Variants in ABCG2 observed in about 807,000 individuals in gnomAD.
ABCG2 encodes the protein ATP binding cassette subfamily G member 2 (JR blood group).
A neutral mutation model predicts 73.5 loss-of-function variants in ABCG2; 80 were observed. The ratio of observed to expected loss-of-function variants is 1.09; its 90% confidence interval spans 0.91 to 1.31. The LOEUF (loss-of-function observed/expected upper bound fraction) is 1.31, where lower values mean the gene tolerates loss of function less well. Among genes scored for constraint, ABCG2 ranks in the 50% most tolerant of loss-of-function variants. ABCG2 has a pLI of 0.00. For missense variants in ABCG2, 796 were observed against 786.2 expected (o/e 1.01, Z -0.15); for synonymous variants, 269 against 282.4 (o/e 0.95, Z 0.48).
intron 9 of ABCG2, among the ~76,000 whole-genome samples, chr4:88,111,527 T>C (rs1481013): frequency 0.48 from 73,167 of 151,846 alleles, 19,315 homozygotes; most frequent in East Asian, 0.64. Context: ...CATATATACA[T>C]ATATATACAT....
chr4:88,098,652 A>ATAGATAGATAGG, intron 12 of ABCG2, among the ~76,000 whole-genome samples: 1 of 149,758 alleles, frequency 6.7e-6, no homozygotes, highest in South Asian at 2.2e-4. Flanking sequence ...GGAGAGATAG[A>ATAGATAGATAGG]TAGATAGATA....
intron 1 of ABCG2, among the ~76,000 whole-genome samples, chr4:88,166,197 A>G (rs965795074): frequency 1.3e-5 from 2 of 152,202 alleles, no homozygotes; most frequent in African/African-American, 4.8e-5. Context: ...TGAAGCTGCC[A>G]TAAATTCCCT....
At chr4:88,102,895 G>A (rs1293463520) in intron 10 of ABCG2, among the ~76,000 whole-genome samples, 2 of 152,130 alleles carry the variant, frequency 1.3e-5, no homozygotes, top group Admixed American at 1.3e-4. Context: ...TAAGGGAACA[G>A]GCTAGGGTCT....
At chr4:88,204,277 C>G (rs563682320) in intron 1 of ABCG2, among the ~76,000 whole-genome samples, 1 of 152,114 alleles carries the variant, frequency 6.6e-6, no homozygotes, top group East Asian at 1.9e-4. Context: ...AAAAATTAGC[C>G]GGGCGTGGTG....
chr4:88,107,269 T>C lies in ABCG2; in HGVS notation c.1195-3A>G. The C allele has an allele frequency of 1.3e-6, 2 of 1,590,834 alleles. No individual in the cohort carries two copies. Among genetic ancestry groups the C allele is most frequent in the Non-Finnish European group, 1.7e-6 (2 of 1,173,456 alleles). ...CCCAGTACGACTGTGACAATGATCTTTTCAAAAAGAAAAATGCAAAAAAAG... is the reference window on the plus strand; with the variant it reads ...CCCAGTACGACTGTGACAATGATCTCTTCAAAAAGAAAAATGCAAAAAAAG... On this transcript the variant is annotated splice_region_variant and splice_polypyrimidine_tract_variant and intron_variant, in intron 9 of 15. Coordinates refer to ENST00000237612, the MANE Select transcript of ABCG2 (RefSeq NM_004827.3).
In ABCG2 at chr4:88,110,682, T is replaced by C. The variant is rs1361722915; in HGVS notation, c.1194+2621A>G. ...ATCTAGCCAGCCTTTCGTTTATTATTGGAATACTGCCATGTTCATTTATTC... is the reference window on the plus strand; with the variant it reads ...ATCTAGCCAGCCTTTCGTTTATTATCGGAATACTGCCATGTTCATTTATTC... On this transcript the variant is annotated intron_variant, in intron 9 of 15. Transcript: ENST00000237612. Among the ~76,000 whole-genome samples the C allele has an allele frequency of 3.3e-5, 5 of 152,182 alleles. 1 individual carries two copies. The highest frequency in any genetic ancestry group is 1.3e-4 in the Admixed American group (2 of 15,272).
At chr4:88,102,903 TC>T (rs1164699999) in intron 10 of ABCG2, among the ~76,000 whole-genome samples, 2 of 151,882 alleles carry the variant, frequency 1.3e-5, no homozygotes, top group Non-Finnish European at 2.9e-5. Flanking sequence ...CAGGCTAGGG[TC>T]TTTTTTGTTT....
At chr4:88,111,410 A>T (rs917623023) in intron 9 of ABCG2, among the ~76,000 whole-genome samples, 1 of 152,208 alleles carries the variant, frequency 6.6e-6, no homozygotes, top group Non-Finnish European at 1.5e-5. Flanking sequence ...TACCAAAAAC[A>T]TTTGGAGAAA....
intron 1 of ABCG2, among the ~76,000 whole-genome samples, chr4:88,228,226 T>C (rs1179638471): frequency 6.6e-6 from 1 of 152,224 alleles, no homozygotes; most frequent in African/African-American, 2.4e-5. Flanking sequence ...AGGGGAACTC[T>C]ATTTTCTACA....
intron 6 of ABCG2, among the ~76,000 whole-genome samples, chr4:88,118,948 A>C (rs1383896363): frequency 6.6e-6 from 1 of 152,180 alleles, no homozygotes; most frequent in Non-Finnish European, 1.5e-5. Flanking sequence ...CCATGACCAA[A>C]ATAGTGCTAA....
upstream of ABCG2, among the ~76,000 whole-genome samples, chr4:88,162,446 T>C (rs1484753646): frequency 2.0e-5 from 3 of 152,168 alleles, no homozygotes; most frequent in East Asian, 5.8e-4. Context: ...TTTAGTCTAA[T>C]TTTAAAAATA....
Position 88,118,403 on chromosome 4 carries a change from G to A in ABCG2, c.690-143C>T. 3.7e-6 allele frequency: 3 copies of A among 815,768 alleles called. No individual in the cohort carries two copies. The South Asian group carries it at 5.9e-5, about 16-fold the overall frequency. 50.5% of individuals were successfully genotyped at this position (815,768 alleles called of 1,614,324 possible). On this transcript the variant is annotated intron_variant, in intron 6 of 15. Coordinates refer to ENST00000237612, the MANE Select transcript of ABCG2 (RefSeq NM_004827.3). ...CTAACTTTTCATCTCATATTATTTA[G>A]CTATAGTTAGCAAACCTAAATTCAA...
intron 1 of ABCG2, among the ~76,000 whole-genome samples, chr4:88,156,988 G>A (rs560339266): frequency 6.6e-6 from 1 of 152,294 alleles, no homozygotes; most frequent in Admixed American, 6.5e-5. Flanking sequence ...TATAATCCCA[G>A]CTACTCAGGA....
chr4:88,098,645 G>GAGATTAGAT (rs1553931030), intron 12 of ABCG2, among the ~76,000 whole-genome samples: 3 of 143,814 alleles, frequency 2.1e-5, no homozygotes, highest in African/African-American at 5.2e-5. Context: ...GAGACAGGGA[G>GAGATTAGAT]AGATAGATAG....
chr4:88,112,470 G>T (rs529234383), intron 9 of ABCG2, among the ~76,000 whole-genome samples: 144 of 151,972 alleles, frequency 9.5e-4, no homozygotes, highest in African/African-American at 3.4e-3. Context: ...CCCCTTCTCT[G>T]CTTAAACTTT....
At chr4:88,100,608 T>C (rs1297871700) in intron 11 of ABCG2, among the ~76,000 whole-genome samples, 2 of 151,450 alleles carry the variant, frequency 1.3e-5, no homozygotes, top group African/African-American at 4.9e-5. Flanking sequence ...CATGATCATG[T>C]CTCTGGACTC....
chr4:88,154,222 G>A (rs945858658), intron 1 of ABCG2, among the ~76,000 whole-genome samples: 5 of 152,172 alleles, frequency 3.3e-5, no homozygotes, highest in Middle Eastern at 3.2e-3. Context: ...TGTCCTGAGC[G>A]ATGGGATATG....
intron 2 of ABCG2, among the ~76,000 whole-genome samples, chr4:88,136,630 C>T (rs895575291): frequency 6.6e-6 from 1 of 152,150 alleles, no homozygotes; most frequent in African/African-American, 2.4e-5. Flanking sequence ...CACTTGAGCC[C>T]AAGAGATTGA....
At position 88,100,752 on chromosome 4, in the gene ABCG2, C is replaced by T. The variant is rs151195130; in HGVS notation, c.1367+478G>A. ...GGCTCGTGCCACTTCCCTGGTCCAC[C>T]GAGGGCTAAGCATGGTCACGTTCTT... On this transcript the variant is annotated intron_variant, in intron 11 of 15. Coordinates refer to ENST00000237612, the MANE Select transcript of ABCG2 (RefSeq NM_004827.3). Among the ~76,000 whole-genome samples the T allele has an allele frequency of 3.5e-3, 530 of 152,272 alleles. 1 individual carries two copies. The highest frequency in any genetic ancestry group is 0.011 in the African/African-American group (438 of 41,550).
Sources: gnomAD v4.1 joint callset for allele counts (sites outside exome capture counted in the v4.1 genomes callset) on GRCh38, gnomAD v4.1.1 for gene constraint, MANE v1.5 for transcripts, NCBI Gene and HGNC (gene_info 2026-07-23, HGNC 2026-07-21) for gene names.